The following SEPTIN11 variants were observed in gnomAD, a reference collection of about 807,000 sequenced individuals.
SEPTIN11 encodes the protein septin-11.
A neutral mutation model predicts 51.4 loss-of-function variants in SEPTIN11; 25 were observed. That is an observed-to-expected ratio of 0.49 (90% CI 0.35 to 0.68). SEPTIN11 has a LOEUF of 0.68. Ranked by LOEUF, SEPTIN11 falls within the 30% of genes least tolerant of loss-of-function variation. The probability of loss-of-function intolerance (pLI) is 0.00; values close to 1 mark genes in which losing one functional copy is unlikely to be tolerated. For synonymous variants in SEPTIN11, 174 were observed against 184.1 expected (o/e 0.95, Z 0.44); for missense variants, 381 against 520.8 (o/e 0.73, Z 2.61).
intron 1 of SEPTIN11, among the ~76,000 whole-genome samples, chr4:76,992,993 C>A (rs1723465171): frequency 6.6e-6 from 1 of 151,988 alleles, no homozygotes. Flanking sequence ...AAATGACAGG[C>A]CAAGGAGTTT....
chr4:77,039,668 A>C, downstream of SEPTIN11: 1 of 984,840 alleles, frequency 1.0e-6, no homozygotes, highest in Non-Finnish European at 1.2e-6. Context: ...AAATCATTTG[A>C]TATTGCATGA....
chr4:77,001,824 G>A (rs1390389954), intron 2 of SEPTIN11, among the ~76,000 whole-genome samples: 1 of 152,092 alleles, frequency 6.6e-6, no homozygotes, highest in Non-Finnish European at 1.5e-5. Context: ...TGTCTTATGG[G>A]TCCTCAAAAA....
intron 3 of SEPTIN11, among the ~76,000 whole-genome samples, chr4:77,010,403 T>C (rs984890580): frequency 6.6e-6 from 1 of 152,078 alleles, no homozygotes; most frequent in Non-Finnish European, 1.5e-5. Context: ...ATTCTTCTTA[T>C]TGGAATTTTG....
chr4:77,003,193 C>A (rs1216329809), intron 2 of SEPTIN11, among the ~76,000 whole-genome samples: 1 of 152,200 alleles, frequency 6.6e-6, no homozygotes, highest in Non-Finnish European at 1.5e-5. Flanking sequence ...ATTAGATAGA[C>A]CACTCTCCAA....
At chr4:77,003,371 C>T (rs972198400) in intron 2 of SEPTIN11, among the ~76,000 whole-genome samples, 2 of 152,164 alleles carry the variant, frequency 1.3e-5, no homozygotes, top group African/African-American at 4.8e-5. Flanking sequence ...GAATGGTGTT[C>T]CCATAATTAT....
intron 6 of SEPTIN11, among the ~76,000 whole-genome samples, chr4:77,020,171 G>A (rs879365141): frequency 2.6e-5 from 4 of 152,264 alleles, no homozygotes; most frequent in Admixed American, 2.6e-4. Context: ...TGCTCACCAA[G>A]CTCCTGCGTC....
At chr4:76,998,631 G>A (rs1215710664) in intron 2 of SEPTIN11, among the ~76,000 whole-genome samples, 2 of 152,140 alleles carry the variant, frequency 1.3e-5, no homozygotes, top group Non-Finnish European at 2.9e-5. Flanking sequence ...AACACACACT[G>A]AAAAGCTAAT....
At chr4:76,996,293 A>G in intron 1 of SEPTIN11, 132 bp from the exon 2 acceptor site, 3 of 698,170 alleles carry the variant, frequency 4.3e-6, no homozygotes, top group South Asian at 1.9e-5. Flanking sequence ...GTAGAAGCCA[A>G]GGCAGCTGTG....
intron 5 of SEPTIN11, among the ~76,000 whole-genome samples, chr4:77,017,867 T>C (rs538290504): frequency 2.6e-5 from 4 of 152,216 alleles, no homozygotes; most frequent in African/African-American, 9.6e-5. Context: ...TGTGAAAGAG[T>C]CAGTTGTCTT....
At chr4:76,952,281 A>G (rs543831030) in intron 1 of SEPTIN11, among the ~76,000 whole-genome samples, 19 of 152,330 alleles carry the variant, frequency 1.2e-4, no homozygotes, top group African/African-American at 4.3e-4. Flanking sequence ...CACCAAAAGA[A>G]AGGAAGGGTG....
At chr4:76,954,917 T>G (rs193152657) in intron 1 of SEPTIN11, among the ~76,000 whole-genome samples, 77 of 152,300 alleles carry the variant, frequency 5.1e-4, no homozygotes, top group African/African-American at 1.7e-3. Flanking sequence ...AAAGGACCAT[T>G]TTTCTGACAA....
In SEPTIN11 at chr4:76,949,815, G is replaced by T; in HGVS notation, c.-89G>T. 2.1e-6 allele frequency: 3 copies of T among 1,408,176 alleles called. No individual in the cohort carries two copies. The highest frequency in any genetic ancestry group is 5.6e-5 in the East Asian group (2 of 35,526). 87.2% of individuals were successfully genotyped at this position (1,408,176 alleles called of 1,614,324 possible). A position where few individuals can be genotyped will look rare whatever the true frequency, so the allele number is the denominator to read the frequency against. ...CAGAGCGCAGCCGCGAGGGAGGCGC[G>T]AGGGAGGCGAGCCGGAGCCCGAGCA... On this transcript the variant is annotated 5_prime_UTR_variant, in exon 1 of 10. An upstream open reading frame in the 5' UTR gains an earlier in-frame stop. Coordinates refer to ENST00000264893, the MANE Select transcript of SEPTIN11 (RefSeq NM_018243.4).
intron 2 of SEPTIN11, among the ~76,000 whole-genome samples, chr4:76,998,131 T>C (rs1310818898): frequency 6.6e-6 from 1 of 152,204 alleles, no homozygotes; most frequent in Non-Finnish European, 1.5e-5. Flanking sequence ...CAGCCCTATT[T>C]GGAGTCTCCT....
chr4:76,996,592 G>T, intron 2 of SEPTIN11, 53 bp downstream of exon 2: 9 of 1,234,856 alleles, frequency 7.3e-6, no homozygotes, highest in South Asian at 1.2e-5. Flanking sequence ...ATATTGACAG[G>T]TAACTGTCGG....
At chr4:77,019,387 G>A in intron 6 of SEPTIN11, 126 bp downstream of exon 6, 1 of 670,386 alleles carries the variant, frequency 1.5e-6, no homozygotes, top group Non-Finnish European at 2.5e-6. Context: ...GGGAGTGGTG[G>A]GGCTCCACAT....
chr4:77,011,331 A>G (rs985357302), intron 3 of SEPTIN11, among the ~76,000 whole-genome samples: 1 of 152,178 alleles, frequency 6.6e-6, no homozygotes, highest in Admixed American at 6.5e-5. Flanking sequence ...GCCCAGCAGG[A>G]AAGAATGCCA....
intron 7 of SEPTIN11, among the ~76,000 whole-genome samples, chr4:77,027,576 G>T (rs1466232008): frequency 6.6e-6 from 1 of 152,174 alleles, no homozygotes; most frequent in Non-Finnish European, 1.5e-5. Flanking sequence ...GGTCTGCATG[G>T]TGCCAGGGAT....
intron 3 of SEPTIN11, among the ~76,000 whole-genome samples, chr4:77,010,888 A>G (rs1470592019): frequency 6.6e-6 from 1 of 152,192 alleles, no homozygotes; most frequent in Non-Finnish European, 1.5e-5. Flanking sequence ...ATGACCTAAT[A>G]TACTACTTAC....
chr4:76,950,755 G>A (rs966700382), intron 1 of SEPTIN11, among the ~76,000 whole-genome samples: 1 of 152,140 alleles, frequency 6.6e-6, no homozygotes, highest in South Asian at 2.1e-4. Context: ...CCCCGGGGCC[G>A]GGCCGGAGGG....
Sources: allele counts gnomAD v4.1 joint callset (sites outside exome capture counted in the v4.1 genomes callset), GRCh38; gene constraint gnomAD v4.1.1; transcripts MANE v1.5; gene names NCBI Gene and HGNC (gene_info 2026-07-23, HGNC 2026-07-21).